RPS6KA1: variants seen among roughly 807,000 people sequenced by gnomAD.
RPS6KA1 encodes the protein ribosomal protein S6 kinase A1, also known as ribosomal protein S6 kinase alpha-1.
Under a neutral mutation model 91.3 loss-of-function variants are expected in RPS6KA1, and 48 were observed. That is an observed-to-expected ratio of 0.53 (90% CI 0.42 to 0.67). The LOEUF (loss-of-function observed/expected upper bound fraction) is 0.67. RPS6KA1 is among the 30% of genes least tolerant of loss of function. The pLI is 0.00. For missense variants in RPS6KA1, 719 were observed against 960.5 expected, an observed-to-expected ratio of 0.75 and a Z score of 3.32; for synonymous variants, 359 against 384.7, an observed-to-expected ratio of 0.93 and a Z score of 0.78.
Position 26,555,534 on chromosome 1 carries a change from C to T in RPS6KA1, c.828-3C>T. ...CCTTGATGAGTCCCGGGGGCTGTTT[C>T]AGGGCGAAGCTAGGCATGCCCCAGT... On this transcript the variant is annotated splice_polypyrimidine_tract_variant and splice_region_variant and intron_variant, in intron 10 of 21. Transcript: ENST00000374168. The surrounding 1 kb of genome is among the most constrained non-coding windows in gnomAD (Gnocchi z 4.3). 4 of 1,584,354 alleles carry T rather than the reference C, an allele frequency of 2.5e-6. No homozygotes were observed. Among genetic ancestry groups the T allele is most frequent in the Non-Finnish European group, 3.4e-6 (4 of 1,163,996 alleles).
At chr1:26,573,062 G>A (rs111436377) in intron 20 of RPS6KA1, among the ~76,000 whole-genome samples, 162 bp from the exon 21 acceptor site, 1 of 152,316 alleles carries the variant, frequency 6.6e-6, no homozygotes, top group African/African-American at 2.4e-5. Flanking sequence ...CAGGAACCTT[G>A]GCTGTGTGCG....
At chr1:26,535,925 C>T (rs530350658) in intron 1 of RPS6KA1, among the ~76,000 whole-genome samples, 22 of 151,858 alleles carry the variant, frequency 1.4e-4, no homozygotes, top group African/African-American at 4.8e-4. Flanking sequence ...CCGAGGCGGG[C>T]GGATCACCTG....
intron 2 of RPS6KA1, among the ~76,000 whole-genome samples, chr1:26,542,333 G>C (rs906474862): frequency 6.6e-6 from 1 of 152,192 alleles, no homozygotes; most frequent in Non-Finnish European, 1.5e-5. Flanking sequence ...ACAATCTCCC[G>C]GCAGCCATCC....
rs764643915 is a variant in RPS6KA1 at position 26,571,858 on chromosome 1, C to T, written c.1762C>T (p.Arg588Cys). The change falls in exon 19 of 22, where the codon CGC becomes TGC. Residue 588 changes from arginine (R) to cysteine (C), a missense_variant. Coordinates refer to ENST00000374168, the MANE Select transcript of RPS6KA1 (RefSeq NM_002953.4). The surrounding 1 kb of genome is among the most constrained non-coding windows in gnomAD (Gnocchi z 5.1). ...CCTGCCCTGTTGCCAGGTGCTGAAG[C>T]GCCAGGGCTACGATGAAGGCTGCGA... ...ANFVAPEVLK[R>C]QGYDEGCDIW... 3 of 1,609,714 alleles carry T rather than the reference C, an allele frequency of 1.9e-6. No homozygotes were observed. The highest frequency in any genetic ancestry group is 2.5e-6 in the Non-Finnish European group (3 of 1,179,892).
chr1:26,532,127 G>A (rs376916997), intron 1 of RPS6KA1, among the ~76,000 whole-genome samples: 4 of 152,214 alleles, frequency 2.6e-5, no homozygotes, highest in East Asian at 3.9e-4. Context: ...AAAATGGGCC[G>A]CTGGGAGGCA....
rs1357544943 is a variant in RPS6KA1, at chr1:26,529,820, G to T, written c.-101G>T. 2.4e-5 allele frequency: 21 copies of T among 887,266 alleles called. No individual in the cohort carries two copies. The Admixed American group carries it at 3.8e-4, about 16-fold the overall frequency. The allele number at this position is 887,266 out of a possible 1,614,324, so 55.0% of individuals were successfully genotyped here. ...CCCAGCCGGAGCGCGAGGGGCTCGG[G>T]GGGGCGCGGCGGTTCGGGTCGCAGA... On this transcript the variant is annotated 5_prime_UTR_variant, in exon 1 of 22. Transcript: ENST00000374168. This position sits in a 1 kb window ranked among gnomAD's most constrained non-coding sequence, Gnocchi z 4.2.
chr1:26,537,164 G>A (rs1053330382), intron 2 of RPS6KA1, among the ~76,000 whole-genome samples, 195 bp downstream of exon 2: 1 of 152,236 alleles, frequency 6.6e-6, no homozygotes, highest in Non-Finnish European at 1.5e-5. Flanking sequence ...TAGGTGAGGC[G>A]ACTGTGGCCC....
Position 26,551,788 on chromosome 1 carries a change from C to T in RPS6KA1, c.468+65C>T. On this transcript the variant is annotated intron_variant, in intron 6 of 21. Transcript: ENST00000374168. This position sits in a 1 kb window ranked among gnomAD's most constrained non-coding sequence, Gnocchi z 4.5. ...CTGAGGGACGACAAGTCCTCCCATCCCAGGGCCCTGTACAGAATGTGTTTG... is the reference window on the plus strand; with the variant it reads ...CTGAGGGACGACAAGTCCTCCCATCTCAGGGCCCTGTACAGAATGTGTTTG... The T allele has an allele frequency of 2.2e-6, 3 of 1,373,034 alleles. No homozygotes were observed. The highest frequency in any genetic ancestry group is 3.1e-6 in the Non-Finnish European group (3 of 961,684). The allele number at this position is 1,373,034 out of a possible 1,614,324, so 85.1% of individuals were successfully genotyped here.
At chr1:26,570,070 A>G (rs2076236812) in intron 17 of RPS6KA1, among the ~76,000 whole-genome samples, 1 of 152,238 alleles carries the variant, frequency 6.6e-6, no homozygotes, top group African/African-American at 2.4e-5. Flanking sequence ...TCTGTGGAAC[A>G]TCCAGTGGTT....
chr1:26,544,568 A>G (rs2075975857), intron 2 of RPS6KA1, among the ~76,000 whole-genome samples: 1 of 151,310 alleles, frequency 6.6e-6, no homozygotes, highest in African/African-American at 2.4e-5. Context: ...TCCCCCTCCC[A>G]GGTTCAAGCC....
intron 1 of RPS6KA1, among the ~76,000 whole-genome samples, chr1:26,534,189 T>G (rs2075889659): frequency 6.6e-6 from 1 of 152,196 alleles, no homozygotes; most frequent in Non-Finnish European, 1.5e-5. Context: ...GGGACCTCGG[T>G]GAGTCCCTTA....
Position 26,553,468 on chromosome 1 carries a change from T to A in RPS6KA1, c.546T>A (p.Gly182=), listed in dbSNP as rs747454883. Residue 182 remains glycine (G), a synonymous_variant, in exon 7 of 22, where the codon GGT becomes GGA. Coordinates refer to ENST00000374168, the MANE Select transcript of RPS6KA1 (RefSeq NM_002953.4). Reference sequence around the variant, plus strand: ...GCCTGGATCACCTGCACAGCCTGGGTATCATTTACAGAGACCTCAAGCCTG... The same window carrying A: ...GCCTGGATCACCTGCACAGCCTGGGAATCATTTACAGAGACCTCAAGCCTG... ...ALGLDHLHSL[G]IIYRDLKPEN... 6.2e-7 allele frequency: 1 copy of A among 1,612,706 alleles called. No homozygotes were observed. The highest frequency in any genetic ancestry group is 8.5e-7 in the Non-Finnish European group (1 of 1,179,188).
Position 26,558,799 on chromosome 1 carries a change from C to A in RPS6KA1, c.1085-8C>A. On this transcript the variant is annotated splice_region_variant and splice_polypyrimidine_tract_variant and intron_variant, in intron 13 of 21. Coordinates refer to ENST00000374168, the MANE Select transcript of RPS6KA1 (RefSeq NM_002953.4). The surrounding 1 kb of genome is among the most constrained non-coding windows in gnomAD (Gnocchi z 4.0). ...AGGTACCCTCACATTCTCCTTCCAT[C>A]CGTACAGATTCCCCAGGCATCCCCC... 6.2e-7 allele frequency: 1 copy of A among 1,604,030 alleles called. No homozygotes were observed. Among genetic ancestry groups the A allele is most frequent in the Admixed American group, 1.7e-5 (1 of 59,698 alleles).
At chr1:26,562,727 T>G (rs758178601) in intron 17 of RPS6KA1, among the ~76,000 whole-genome samples, 1 of 151,976 alleles carries the variant, frequency 6.6e-6, no homozygotes, top group Non-Finnish European at 1.5e-5. Context: ...GAATGCAGGC[T>G]ATGAATCCAC....
rs1314552225 is a variant in RPS6KA1 at position 26,571,632 on chromosome 1, G to A, written c.1752+22G>A. On this transcript the variant is annotated intron_variant, in intron 18 of 21. Coordinates refer to ENST00000374168, the MANE Select transcript of RPS6KA1 (RefSeq NM_002953.4). This position sits in a 1 kb window ranked among gnomAD's most constrained non-coding sequence, Gnocchi z 5.1. ...TGAGGTGAGTGGCCCAGCCTCCTCA[G>A]CTGTAAGAGTGAGGGGGAATTGGAG... 5 of 1,611,810 alleles carry A rather than the reference G, an allele frequency of 3.1e-6. No individual in the cohort carries two copies. The highest frequency in any genetic ancestry group is 1.1e-5 in the South Asian group (1 of 90,784).
intron 11 of RPS6KA1, chr1:26,556,072 G>A (rs991917426): frequency 1.9e-5 from 4 of 214,408 alleles, no homozygotes; most frequent in South Asian, 1.6e-4. Context: ...TCTCTGCACC[G>A]CAGGTTCCTC....
Position 26,555,203 on chromosome 1 carries a change from C to T in RPS6KA1, c.809C>T (p.Thr270Ile). 3 of 1,614,104 alleles carry T rather than the reference C, an allele frequency of 1.9e-6. No individual in the cohort carries two copies. Among genetic ancestry groups the T allele is most frequent in the Non-Finnish European group, 2.5e-6 (3 of 1,179,996 alleles). The change falls in exon 10 of 22, where the codon ACC becomes ATC. Residue 270 changes from threonine to isoleucine, a missense_variant. Thr to Ile is a moderately conservative substitution (Grantham distance 89, BLOSUM62 -1). This residue lies in a region of RPS6KA1 where 228 missense variants were observed against 247.6 expected (regional missense o/e 0.92). Coordinates refer to ENST00000374168, the MANE Select transcript of RPS6KA1 (RefSeq NM_002953.4). The surrounding 1 kb of genome is among the most constrained non-coding windows in gnomAD (Gnocchi z 4.3). ...LPFQGKDRKE[T>I]MTLILKAKLG... ...TTCCAGGGGAAGGACCGGAAGGAGA[C>T]CATGACACTGATTCTGAAGTAAGCC...
chr1:26,554,068 A>G lies in RPS6KA1; in HGVS notation c.576-146A>G, dbSNP rs1217261731. ...GGCAACACCCCTGCGTGGTACTGCT[A>G]CCACCCTGCAACACCCGCCCAGTCA... is the stretch of plus-strand genomic sequence containing the variant. On this transcript the variant is annotated intron_variant, in intron 7 of 21. Coordinates refer to ENST00000374168, the MANE Select transcript of RPS6KA1 (RefSeq NM_002953.4). The surrounding 1 kb of genome is among the most constrained non-coding windows in gnomAD (Gnocchi z 4.6). 4 of 762,484 alleles carry G rather than the reference A, an allele frequency of 5.2e-6. No individual in the cohort carries two copies. The African/African-American group carries it at 7.0e-5, about 13-fold the overall frequency. The allele number at this position is 762,484 out of a possible 1,614,324, so 47.2% of individuals were successfully genotyped here. A position where few individuals can be genotyped will look rare whatever the true frequency, so the allele number is the denominator to read the frequency against.
intron 7 of RPS6KA1, chr1:26,553,784 C>G (rs1570441583): frequency 3.8e-6 from 1 of 260,392 alleles, no homozygotes; most frequent in Non-Finnish European, 7.3e-6. Flanking sequence ...TGATAAAGCC[C>G]TATAGAATTT....
Sources: gnomAD v4.1 joint callset for allele counts (sites outside exome capture counted in the v4.1 genomes callset) on GRCh38, gnomAD v4.1.1 for gene constraint, gnomAD v4.1.1 regional missense constraint, Gnocchi (gnomAD v3.1) non-coding constraint, MANE v1.5 for transcripts, NCBI Gene and HGNC (gene_info 2026-07-23, HGNC 2026-07-21) for gene names.